Variants in PGM5 observed in about 807,000 individuals in gnomAD.
PGM5 encodes the protein phosphoglucomutase 5, also known as phosphoglucomutase-like protein 5.
A neutral mutation model predicts 59.2 loss-of-function variants in PGM5; 23 were observed. The observed-to-expected ratio is 0.39, with a 90% CI of 0.28 to 0.55. The LOEUF is 0.55. PGM5 is among the 20% of genes least tolerant of loss of function. The pLI is 0.66. For synonymous variants in PGM5, 214 were observed against 286.0 expected, an observed-to-expected ratio of 0.75 and a Z score of 2.54; for missense variants, 574 against 748.3, an observed-to-expected ratio of 0.77 and a Z score of 2.72.
At chr9:68,509,239 C>G (rs537657449) in intron 10 of PGM5, among the ~76,000 whole-genome samples, 1 of 152,340 alleles carries the variant, frequency 6.6e-6, no homozygotes, top group African/African-American at 2.4e-5. Context: ...CCCAGGAACG[C>G]TGGCAGGCCT....
At chr9:68,420,082 A>G (rs1823102305) in intron 6 of PGM5, among the ~76,000 whole-genome samples, 1 of 152,086 alleles carries the variant, frequency 6.6e-6, no homozygotes, top group South Asian at 2.1e-4. Flanking sequence ...CTGAAAACGT[A>G]CACCTAGAGG....
At chr9:68,493,812 C>A (rs540134690) in intron 9 of PGM5, among the ~76,000 whole-genome samples, 2 of 152,262 alleles carry the variant, frequency 1.3e-5, no homozygotes, top group South Asian at 2.1e-4. Flanking sequence ...AAAGAGGGGG[C>A]AAATCCAGGG....
intron 7 of PGM5, among the ~76,000 whole-genome samples, chr9:68,474,252 G>A (rs1475954402): frequency 1.3e-4 from 20 of 152,160 alleles, no homozygotes; most frequent in Non-Finnish European, 1.5e-5. Flanking sequence ...ACAACTTGGA[G>A]TTGGCAACAG....
At chr9:68,515,295 C>T (rs1255897569) in intron 10 of PGM5, among the ~76,000 whole-genome samples, 2 of 152,158 alleles carry the variant, frequency 1.3e-5, no homozygotes. Context: ...AGTCTCTCCT[C>T]GTTTACAGGG....
chr9:68,429,130 C>T (rs1179024170), intron 6 of PGM5: 8 of 152,076 alleles, frequency 5.3e-5, no homozygotes, highest in Non-Finnish European at 1.2e-4. Flanking sequence ...AAGGATTGTA[C>T]CATCTTGTTT....
At chr9:68,391,475 A>G in intron 4 of PGM5, 59 bp from the exon 5 acceptor site, 2 of 1,566,552 alleles carry the variant, frequency 1.3e-6, no homozygotes, top group Non-Finnish European at 1.8e-6. Context: ...TATTCAGAAC[A>G]AAATACTCTG....
At chr9:68,385,488 A>G (rs1822194852) in intron 3 of PGM5, among the ~76,000 whole-genome samples, 1 of 152,090 alleles carries the variant, frequency 6.6e-6, no homozygotes, top group South Asian at 2.1e-4. Context: ...AATGTTACCA[A>G]ATCTTTCTTG....
intron 6 of PGM5, among the ~76,000 whole-genome samples, chr9:68,403,343 T>C (rs1324110455): frequency 6.6e-6 from 1 of 152,218 alleles, no homozygotes; most frequent in Non-Finnish European, 1.5e-5. Context: ...TTCTACATTA[T>C]GGTGTGTTGT....
chr9:68,431,414 G>A (rs574164280), intron 6 of PGM5, among the ~76,000 whole-genome samples: 38 of 152,312 alleles, frequency 2.5e-4, no homozygotes, highest in Non-Finnish European at 4.6e-4. Context: ...ACTGGGAAGT[G>A]GAGGCCTTGA....
At chr9:68,483,683 T>C (rs1824236866) in intron 8 of PGM5, among the ~76,000 whole-genome samples, 182 bp from the exon 9 acceptor site, 1 of 152,156 alleles carries the variant, frequency 6.6e-6, no homozygotes, top group African/African-American at 2.4e-5. Flanking sequence ...TTTTACAAGA[T>C]TACTCTGGCC....
chr9:68,444,510 T>C (rs1823580719), intron 6 of PGM5, among the ~76,000 whole-genome samples: 2 of 152,192 alleles, frequency 1.3e-5, no homozygotes, highest in Non-Finnish European at 1.5e-5. Flanking sequence ...GTGGTAGGAA[T>C]TATGTATGGG....
At chr9:68,494,050 CT>C (rs1554688027) in intron 9 of PGM5, among the ~76,000 whole-genome samples, 1 of 152,148 alleles carries the variant, frequency 6.6e-6, no homozygotes, top group African/African-American at 2.4e-5. Flanking sequence ...ACCCACACTC[CT>C]CCCCACCACA....
At chr9:68,486,187 G>C (rs1475798902) in intron 9 of PGM5, among the ~76,000 whole-genome samples, 1 of 152,136 alleles carries the variant, frequency 6.6e-6, no homozygotes, top group Non-Finnish European at 1.5e-5. Flanking sequence ...CATTCATTCA[G>C]TGGATATTTA....
At chr9:68,482,552 T>C (rs1182743255) in intron 8 of PGM5, among the ~76,000 whole-genome samples, 1 of 152,204 alleles carries the variant, frequency 6.6e-6, no homozygotes, top group Admixed American at 6.5e-5. Context: ...CTTAAAGATC[T>C]TGAGTGGAAA....
At chr9:68,361,712 C>T (rs75031061) in intron 1 of PGM5, among the ~76,000 whole-genome samples, 2,585 of 152,240 alleles carry the variant, frequency 0.017, 29 homozygotes, top group Middle Eastern at 0.027. Context: ...ATCTAATGAC[C>T]GCCTAAAGGC....
chr9:68,407,566 T>C (rs1822845632), intron 6 of PGM5, among the ~76,000 whole-genome samples: 1 of 151,828 alleles, frequency 6.6e-6, no homozygotes, highest in African/African-American at 2.4e-5. Context: ...AAAAATTATC[T>C]TTCTGGGAAA....
At chr9:68,367,040 G>A (rs1464657156) in intron 1 of PGM5, among the ~76,000 whole-genome samples, 120 of 151,880 alleles carry the variant, frequency 7.9e-4, no homozygotes, top group African/African-American at 2.7e-3. Flanking sequence ...CTGAGGTGGC[G>A]ACTGTTGAAG....
At chr9:68,397,399 G>T (rs1822538940) in intron 6 of PGM5, 3 of 152,268 alleles carry the variant, frequency 2.0e-5, no homozygotes, top group Admixed American at 2.0e-4. Flanking sequence ...CATATTTACA[G>T]TCTCAAACAT....
chr9:68,482,431 G>A (rs1445185577), intron 8 of PGM5, among the ~76,000 whole-genome samples: 1 of 152,162 alleles, frequency 6.6e-6, no homozygotes, highest in Non-Finnish European at 1.5e-5. Flanking sequence ...AACACCTTGT[G>A]TAGGAGGAAG....
Sources: allele counts gnomAD v4.1 joint callset (sites outside exome capture counted in the v4.1 genomes callset), GRCh38; gene constraint gnomAD v4.1.1; transcripts MANE v1.5; gene names NCBI Gene and HGNC (gene_info 2026-07-23, HGNC 2026-07-21).